Variants in ADAP2 observed in about 807,000 individuals in gnomAD.
ADAP2 encodes the protein arf-GAP with dual PH domain-containing protein 2.
Under a neutral mutation model 54.9 loss-of-function variants are expected in ADAP2, and 42 were observed. The ratio of observed to expected loss-of-function variants is 0.77; its 90% CI spans 0.60 to 0.99. The LOEUF is 0.99. Ranked by LOEUF, ADAP2 falls within the 50% of genes least tolerant of loss-of-function variation. The pLI, the probability that ADAP2 is intolerant of heterozygous loss-of-function variation, is 0.00. For missense variants in ADAP2, 429 were observed against 480.4 expected, an observed-to-expected ratio of 0.89 and a Z score of 1.00; for synonymous variants, 177 against 180.1, an observed-to-expected ratio of 0.98 and a Z score of 0.14.
chr17:30,939,205 G>A (rs1912086067), intron 5 of ADAP2, among the ~76,000 whole-genome samples: 1 of 152,172 alleles, frequency 6.6e-6, no homozygotes, highest in African/African-American at 2.4e-5. Context: ...AGCAGCTGCT[G>A]CGAGTTGGTC....
At chr17:30,928,530 T>A (rs1362071256) in intron 3 of ADAP2, among the ~76,000 whole-genome samples, 1 of 152,194 alleles carries the variant, frequency 6.6e-6, no homozygotes, top group Non-Finnish European at 1.5e-5. Flanking sequence ...TTTGCTTAAG[T>A]ACTACGCCCT....
chr17:30,938,786 G>A (rs1214419282), intron 5 of ADAP2, among the ~76,000 whole-genome samples: 28 of 152,166 alleles, frequency 1.8e-4, no homozygotes, highest in Non-Finnish European at 2.9e-5. Context: ...AAGGGAGGAT[G>A]AAGAGAAGTG....
At chr17:30,943,875 A>C (rs1287995145) in intron 5 of ADAP2, among the ~76,000 whole-genome samples, 1 of 149,008 alleles carries the variant, frequency 6.7e-6, no homozygotes, top group Non-Finnish European at 1.5e-5. Context: ...AAATAAATAA[A>C]TAAATAAATA....
intron 2 of ADAP2, among the ~76,000 whole-genome samples, chr17:30,925,868 T>C (rs1911023458): frequency 2.0e-5 from 3 of 152,156 alleles, no homozygotes; most frequent in Admixed American, 1.3e-4. Flanking sequence ...CAAGCAATTA[T>C]CCTGCCTCAC....
chr17:30,934,148 C>A, intron 4 of ADAP2, 37 bp from the exon 5 acceptor site: 1 of 1,536,570 alleles, frequency 6.5e-7, no homozygotes, highest in South Asian at 1.1e-5. Flanking sequence ...ATCTTAAGGT[C>A]ACGTGTGTTC....
At chr17:30,949,256 G>C (rs1395937570) in intron 6 of ADAP2, 31 bp from the exon 7 acceptor site, 1 of 1,569,598 alleles carries the variant, frequency 6.4e-7, no homozygotes, top group Non-Finnish European at 8.8e-7. Context: ...TCTCACTGCT[G>C]TGTGTGTGTC....
At chr17:30,923,135 G>A in intron 2 of ADAP2, 65 bp downstream of exon 2, 1 of 1,586,842 alleles carries the variant, frequency 6.3e-7, no homozygotes, top group Non-Finnish European at 8.6e-7. Context: ...GCGGGCAGGG[G>A]GCTCCCATTC....
At chr17:30,922,476 G>C (rs1478632595) in intron 1 of ADAP2, among the ~76,000 whole-genome samples, 1 of 152,180 alleles carries the variant, frequency 6.6e-6, no homozygotes, top group African/African-American at 2.4e-5. Context: ...GCGCACCCAG[G>C]CGCGCCCCAC....
intron 5 of ADAP2, among the ~76,000 whole-genome samples, chr17:30,943,503 G>T (rs1912422911): frequency 6.6e-6 from 1 of 152,142 alleles, no homozygotes; most frequent in Non-Finnish European, 1.5e-5. Context: ...TGGTGGACTG[G>T]ATAATGGAAA....
chr17:30,937,054 A>C, intron 5 of ADAP2, among the ~76,000 whole-genome samples: 1 of 150,826 alleles, frequency 6.6e-6, no homozygotes, highest in Admixed American at 6.6e-5. Flanking sequence ...CAGTCTCTCG[A>C]GTAGCTGGGA....
intron 5 of ADAP2, among the ~76,000 whole-genome samples, chr17:30,943,544 C>T (rs1912425301): frequency 6.6e-6 from 1 of 152,014 alleles, no homozygotes; most frequent in Non-Finnish European, 1.5e-5. Flanking sequence ...GAATACTACA[C>T]AGCCATAAAA....
At position 30,922,938 on chromosome 17, in the gene ADAP2, A is replaced by G; in HGVS notation, c.95-2A>G. The stretch of plus-strand genomic sequence containing the variant: ...GCTCCTCTCCTGCCTCATCCCCTGC[A>G]GATCCCGACTGGGCCTCTTACAAGC... On this transcript the variant is annotated splice_acceptor_variant, in intron 1 of 10. Coordinates refer to ENST00000330889, the MANE Select transcript of ADAP2 (RefSeq NM_018404.3). LOFTEE classifies it high-confidence loss of function. 6.2e-7 allele frequency: 1 copy of G among 1,613,678 alleles called. No homozygotes were observed. The highest frequency in any genetic ancestry group is 8.5e-7 in the Non-Finnish European group (1 of 1,179,898).
intron 2 of ADAP2, among the ~76,000 whole-genome samples, 194 bp downstream of exon 2, chr17:30,923,264 CTTTTT>C (rs375853030): frequency 1.5e-5 from 2 of 135,102 alleles, no homozygotes; most frequent in Admixed American, 7.5e-5. Context: ...CATTTGCTTA[CTTTTT>C]TTTTTTTTTT....
Position 30,958,238 on chromosome 17 carries a change from C to T in ADAP2, c.*369C>T, listed in dbSNP as rs376999996. ...TGTAAAAAAAAAAAAAAAGTTTAAT[C>T]TGAATCTAACCATGAGGAAATAATC... is the stretch of plus-strand genomic sequence containing the variant. On this transcript the variant is annotated 3_prime_UTR_variant, in exon 11 of 11. Coordinates refer to ENST00000330889, the MANE Select transcript of ADAP2 (RefSeq NM_018404.3). The T allele has an allele frequency of 3.3e-5, 8 of 240,726 alleles. No homozygotes were observed. The highest frequency in any genetic ancestry group is 6.5e-5 in the South Asian group (1 of 15,354). 14.9% of individuals were successfully genotyped at this position (240,726 alleles called of 1,614,324 possible).
At chr17:30,939,117 T>C (rs1912079435) in intron 5 of ADAP2, among the ~76,000 whole-genome samples, 1 of 152,184 alleles carries the variant, frequency 6.6e-6, no homozygotes, top group South Asian at 2.1e-4. Context: ...AATGTGGCTT[T>C]TTCAACATTT....
intron 5 of ADAP2, among the ~76,000 whole-genome samples, chr17:30,938,699 A>T (rs1009975308): frequency 6.6e-6 from 1 of 152,224 alleles, no homozygotes; most frequent in Non-Finnish European, 1.5e-5. Context: ...TCCTATATGT[A>T]GAATTATTAT....
intron 2 of ADAP2, among the ~76,000 whole-genome samples, chr17:30,925,183 AT>A (rs57259969): frequency 0.021 from 2,025 of 98,098 alleles, 36 homozygotes; most frequent in African/African-American, 0.073. Flanking sequence ...CGTGCCCAGC[AT>A]TTTTTTTTTT....
At chr17:30,936,850 C>G (rs908315768) in intron 5 of ADAP2, among the ~76,000 whole-genome samples, 1 of 152,072 alleles carries the variant, frequency 6.6e-6, no homozygotes, top group Admixed American at 6.6e-5. Context: ...AAAATTTGAG[C>G]TTTTGGATTT....
intron 4 of ADAP2, 41 bp from the exon 5 acceptor site, chr17:30,934,144 A>G (rs758452165): frequency 6.6e-7 from 1 of 1,521,566 alleles, no homozygotes; most frequent in East Asian, 2.3e-5. Context: ...TGTGATCTTA[A>G]GGTCACGTGT....
Sources: allele counts gnomAD v4.1 joint callset (sites outside exome capture counted in the v4.1 genomes callset), GRCh38; gene constraint gnomAD v4.1.1; transcripts MANE v1.5; gene names NCBI Gene and HGNC (gene_info 2026-07-23, HGNC 2026-07-21).